The following HDX variants were observed in gnomAD, a reference collection of about 807,000 sequenced individuals.
HDX encodes the protein highly divergent homeobox.
Under a neutral mutation model 45.2 loss-of-function variants are expected in HDX, and 19 were observed. The observed-to-expected ratio is 0.42, with a 90% confidence interval of 0.29 to 0.62. HDX has a LOEUF of 0.62. Ranked by LOEUF, HDX falls within the 20% of genes least tolerant of loss-of-function variation. HDX has a pLI of 0.20. For missense variants in HDX, 532 were observed against 493.9 expected (o/e 1.08, Z -0.73); for synonymous variants, 188 against 172.8 (o/e 1.09, Z -0.69).
intron 5 of HDX, among the ~76,000 whole-genome samples, chrX:84,421,229 A>T (rs1445436897): frequency 8.9e-6 from 1 of 112,159 alleles, no homozygotes; most frequent in African/African-American, 3.2e-5. Flanking sequence ...CTCAAGACAT[A>T]TTCAGTATGA....
intron 4 of HDX, among the ~76,000 whole-genome samples, chrX:84,441,660 C>A (rs150003918): frequency 9.0e-6 from 1 of 110,740 alleles, no homozygotes; most frequent in African/African-American, 3.3e-5. Flanking sequence ...GAATTATGTC[C>A]CAGTGTCTAG....
intron 6 of HDX, among the ~76,000 whole-genome samples, chrX:84,351,561 C>G (rs2049518179): frequency 9.0e-6 from 1 of 111,343 alleles, no homozygotes; most frequent in Non-Finnish European, 1.9e-5. Context: ...TGCCCTTTTC[C>G]TGGTTCTTGG....
At chrX:84,396,962 G>A (rs911114379) in intron 5 of HDX, among the ~76,000 whole-genome samples, 7 of 111,914 alleles carry the variant, frequency 6.3e-5, no homozygotes, top group African/African-American at 2.3e-4. Context: ...CTAAAGAGAG[G>A]CAGCAGCTGC....
chrX:84,475,217 G>A, intron 3 of HDX, 34 bp downstream of exon 3: 1 of 1,132,627 alleles, frequency 8.8e-7, no homozygotes, highest in Non-Finnish European at 1.2e-6. Context: ...GTAATAAGAA[G>A]CTTTAAATTT....
At chrX:84,443,174 C>A (rs761715380) in intron 4 of HDX, among the ~76,000 whole-genome samples, 3 of 111,742 alleles carry the variant, frequency 2.7e-5, no homozygotes, top group African/African-American at 9.7e-5. Flanking sequence ...CAGTTCATTA[C>A]ATTTCTGGTA....
At chrX:84,324,175 T>G (rs1284058450) in intron 10 of HDX, among the ~76,000 whole-genome samples, 1 of 111,881 alleles carries the variant, frequency 8.9e-6, no homozygotes, top group African/African-American at 3.2e-5. Flanking sequence ...TATCACATTT[T>G]GTAAACCCTG....
chrX:84,477,204 C>A (rs1178126929), intron 2 of HDX, among the ~76,000 whole-genome samples: 1 of 111,262 alleles, frequency 9.0e-6, no homozygotes, highest in Non-Finnish European at 1.9e-5. Flanking sequence ...AAGCAAGGTA[C>A]TTTGAAATGG....
At chrX:84,460,723 T>G (rs779151811) in intron 4 of HDX, among the ~76,000 whole-genome samples, 5 of 111,459 alleles carry the variant, frequency 4.5e-5, no homozygotes, top group African/African-American at 6.5e-5. Context: ...GAGAAAGAAA[T>G]AAATAAGTTT....
intron 5 of HDX, among the ~76,000 whole-genome samples, chrX:84,418,259 A>T (rs2039161416): frequency 8.9e-6 from 1 of 112,434 alleles, no homozygotes; most frequent in South Asian, 3.7e-4. Flanking sequence ...ACCTTAAGGA[A>T]ATGAAAATCT....
At chrX:84,363,409 A>G (rs1164922888) in intron 5 of HDX, among the ~76,000 whole-genome samples, 5 of 112,155 alleles carry the variant, frequency 4.5e-5, no homozygotes, top group African/African-American at 1.3e-4. Context: ...GCAAGCTAAC[A>G]TACATAGCTA....
chrX:84,469,779 A>G (rs1293879763), intron 3 of HDX, among the ~76,000 whole-genome samples: 1 of 111,756 alleles, frequency 8.9e-6, no homozygotes, highest in African/African-American at 3.2e-5. Context: ...AATACCTTCA[A>G]ACTTTGAAAA....
At chrX:84,474,183 T>C (rs2040503009) in intron 3 of HDX, among the ~76,000 whole-genome samples, 1 of 111,325 alleles carries the variant, frequency 9.0e-6, no homozygotes, top group Non-Finnish European at 1.9e-5. Flanking sequence ...TTCCAGCTAC[T>C]CGGGAGGCTG....
intron 1 of HDX, among the ~76,000 whole-genome samples, chrX:84,498,821 GCACACACACA>G (rs202067754): frequency 0.17 from 16,293 of 94,486 alleles, 1,199 homozygotes; most frequent in Non-Finnish European, 0.21. Flanking sequence ...TGGAATGTAT[GCACACACACA>G]CACACACACA....
At chrX:84,328,619 A>C (rs1387941099) in intron 9 of HDX, among the ~76,000 whole-genome samples, 2 of 111,526 alleles carry the variant, frequency 1.8e-5, no homozygotes, top group African/African-American at 6.5e-5. Context: ...ACGTCAAAAT[A>C]TGCTTAATAT....
intron 1 of HDX, among the ~76,000 whole-genome samples, chrX:84,499,603 A>G (rs763387216): frequency 2.7e-5 from 3 of 111,954 alleles, no homozygotes; most frequent in Non-Finnish European, 5.6e-5. Flanking sequence ...TTCACTTACA[A>G]TTATCTACAA....
At chrX:84,476,547 A>C (rs1316977044) in intron 2 of HDX, among the ~76,000 whole-genome samples, 1 of 100,738 alleles carries the variant, frequency 9.9e-6, no homozygotes, top group Non-Finnish European at 1.9e-5. Flanking sequence ...TCTGTCTCAA[A>C]AAAAAAAAAA....
rs2036533074 is a variant in HDX at position 84,318,035 on chromosome X, T to C, written c.*3854A>G. 1 of 111,238 alleles carries C rather than the reference T, an allele frequency of 9.0e-6. No individual in the cohort carries two copies. Among genetic ancestry groups the C allele is most frequent in the South Asian group, 3.7e-4 (1 of 2,724 alleles). The allele number at this position is 111,238 out of a possible 1,213,427, so 9.2% of individuals were successfully genotyped here. On this transcript the variant is annotated 3_prime_UTR_variant, in exon 11 of 11. Transcript: ENST00000373177. ...TGCTAAAATGAATTACTTAACAAGTTAATGCAAAATAAAATTTCAGTGTGG... is the reference window on the plus strand; with the variant it reads ...TGCTAAAATGAATTACTTAACAAGTCAATGCAAAATAAAATTTCAGTGTGG...
At chrX:84,396,570 A>T (rs1165913333) in intron 5 of HDX, among the ~76,000 whole-genome samples, 1 of 111,994 alleles carries the variant, frequency 8.9e-6, no homozygotes, top group African/African-American at 3.2e-5. Context: ...TGGGTGGGAA[A>T]GTTCTCAGGC....
Position 84,401,018 on chromosome X carries a change from G to A in HDX, c.1306-39406C>T, listed in dbSNP as rs184568030. ...CAGCCATATGCAGAAAACTGAAACT[G>A]GATCCCTTCCTTACACCTTATACAA... On this transcript the variant is annotated intron_variant, in intron 5 of 10. Transcript: ENST00000373177. 2.7e-5 allele frequency among the ~76,000 whole-genome samples: 3 copies of A among 111,773 alleles called. No individual in the cohort carries two copies. The East Asian group carries it at 8.5e-4, about 32-fold the overall frequency.
Sources: allele counts gnomAD v4.1 joint callset (sites outside exome capture counted in the v4.1 genomes callset), GRCh38; gene constraint gnomAD v4.1.1; transcripts MANE v1.5; gene names NCBI Gene and HGNC (gene_info 2026-07-23, HGNC 2026-07-21).